Variants in NXPH2 observed in about 807,000 individuals in gnomAD.
The protein encoded by NXPH2 is neurexophilin 2.
NXPH2 carries 5 observed loss-of-function variants against 19.8 expected under a neutral mutation model. The observed-to-expected ratio is 0.25, with a 90% CI of 0.13 to 0.53. The LOEUF is 0.53. Ranked by LOEUF, NXPH2 falls within the 20% of genes least tolerant of loss-of-function variation. NXPH2 has a pLI of 0.96. For synonymous variants in NXPH2, 154 were observed against 127.4 expected, an observed-to-expected ratio of 1.21 and a Z score of -1.41; for missense variants, 289 against 322.8, an observed-to-expected ratio of 0.90 and a Z score of 0.80.
At chr2:138,778,870 T>A (rs1157145937) in intron 1 of NXPH2, among the ~76,000 whole-genome samples, 1 of 152,230 alleles carries the variant, frequency 6.6e-6, no homozygotes, top group Non-Finnish European at 1.5e-5. Context: ...TTTGGGCATA[T>A]CATTGCATTT....
At chr2:138,742,103 C>T (rs981745604) in intron 1 of NXPH2, among the ~76,000 whole-genome samples, 2 of 152,132 alleles carry the variant, frequency 1.3e-5, no homozygotes, top group East Asian at 3.9e-4. Context: ...GAATTCATTA[C>T]CAGGGTATTA....
chr2:138,675,955 ATGTGTGTG>A lies in NXPH2; in HGVS notation c.52-4298_52-4291del, dbSNP rs61124904. Among the ~76,000 whole-genome samples, 191 of 150,418 alleles carry A rather than the reference ATGTGTGTG, an allele frequency of 1.3e-3. 1 individual carries two copies. Among genetic ancestry groups the A allele is most frequent in the South Asian group, 4.9e-3 (23 of 4,724 alleles). The stretch of plus-strand genomic sequence containing the variant: ...AGGTAAAAAGTACATATATATACAT[ATGTGTGTG>A]TGTGTGTGTGTGTGTGTGTGTATAA... On this transcript the variant is annotated intron_variant, in intron 1 of 1. Transcript: ENST00000272641.
chr2:138,679,281 A>G (rs1680533595), intron 1 of NXPH2, among the ~76,000 whole-genome samples: 1 of 152,260 alleles, frequency 6.6e-6, no homozygotes, highest in African/African-American at 2.4e-5. Flanking sequence ...CACTAAGAGA[A>G]GAGATATTGC....
chr2:138,725,153 C>G (rs946566099), intron 1 of NXPH2, among the ~76,000 whole-genome samples: 11 of 152,182 alleles, frequency 7.2e-5, no homozygotes, highest in African/African-American at 2.7e-4. Context: ...GTTAGGAGGA[C>G]AGTTAGTTAT....
intron 1 of NXPH2, among the ~76,000 whole-genome samples, chr2:138,676,090 A>G (rs1453884990): frequency 1.3e-5 from 2 of 152,156 alleles, no homozygotes; most frequent in Non-Finnish European, 2.9e-5. Flanking sequence ...AAAACTGTGT[A>G]CAACCTCATC....
At chr2:138,733,425 C>T (rs1681482817) in intron 1 of NXPH2, among the ~76,000 whole-genome samples, 1 of 152,150 alleles carries the variant, frequency 6.6e-6, no homozygotes, top group Non-Finnish European at 1.5e-5. Flanking sequence ...AAGCCATTAA[C>T]CAAGTCTTCA....
At chr2:138,703,048 G>A (rs1367032038) in intron 1 of NXPH2, among the ~76,000 whole-genome samples, 1 of 152,182 alleles carries the variant, frequency 6.6e-6, no homozygotes, top group Non-Finnish European at 1.5e-5. Context: ...TGGAGTGAAT[G>A]GGCCATGTTC....
At chr2:138,681,454 A>G (rs933854709) in intron 1 of NXPH2, among the ~76,000 whole-genome samples, 1 of 152,244 alleles carries the variant, frequency 6.6e-6, no homozygotes, top group Non-Finnish European at 1.5e-5. Flanking sequence ...CTGGTTTAAT[A>G]TGAAGCACTT....
chr2:138,683,674 C>A (rs1680609651), intron 1 of NXPH2, among the ~76,000 whole-genome samples: 1 of 152,102 alleles, frequency 6.6e-6, no homozygotes, highest in African/African-American at 2.4e-5. Context: ...TCCAGTTAAC[C>A]AAACACTAAT....
Position 138,670,334 on chromosome 2 carries a change from G to C in NXPH2, c.*588C>G, listed in dbSNP as rs1239226972. Among the ~76,000 whole-genome samples the C allele has an allele frequency of 6.6e-6, 1 of 152,190 alleles. No individual in the cohort carries two copies. Among genetic ancestry groups the C allele is most frequent in the African/African-American group, 2.4e-5 (1 of 41,446 alleles). On this transcript the variant is annotated 3_prime_UTR_variant, in exon 2 of 2. Transcript: ENST00000272641. ...CATTCCACGCAACTGTAGCTCAGAT[G>C]ATAAGGAACTTGGTTCCACTGTGGC...
At chr2:138,689,793 C>T (rs962330899) in intron 1 of NXPH2, among the ~76,000 whole-genome samples, 3 of 152,068 alleles carry the variant, frequency 2.0e-5, no homozygotes, top group Non-Finnish European at 4.4e-5. Context: ...TCTTTATGTA[C>T]AGAGAAATAT....
chr2:138,760,415 C>G (rs941157658), intron 1 of NXPH2, among the ~76,000 whole-genome samples: 2 of 152,310 alleles, frequency 1.3e-5, no homozygotes, highest in South Asian at 4.1e-4. Flanking sequence ...TGCTTCCTAA[C>G]AGCAAAATTC....
intron 1 of NXPH2, among the ~76,000 whole-genome samples, chr2:138,726,519 AACACACAC>A (rs57428467): frequency 0.037 from 5,439 of 146,156 alleles, 258 homozygotes; most frequent in East Asian, 0.26. Context: ...TAAAAAAAGA[AACACACAC>A]ACACACACAC....
In NXPH2 at chr2:138,779,466, C is replaced by A. The variant is rs908942711; in HGVS notation, c.51+725G>T. Among the ~76,000 whole-genome samples, 9 of 152,240 alleles carry A rather than the reference C, an allele frequency of 5.9e-5. No individual in the cohort carries two copies. The East Asian group carries it at 9.7e-4, about 16-fold the overall frequency. On this transcript the variant is annotated intron_variant, in intron 1 of 1. Transcript: ENST00000272641. The stretch of plus-strand genomic sequence containing the variant: ...GCGAACCCCAAACCACATTTTAATA[C>A]GTTTCTTATTCCTCAGCGCCTCCGA...
At chr2:138,674,620 C>T (rs911325460) in intron 1 of NXPH2, among the ~76,000 whole-genome samples, 5 of 152,196 alleles carry the variant, frequency 3.3e-5, no homozygotes, top group African/African-American at 9.7e-5. Flanking sequence ...GTGCAAACTT[C>T]ATTCCAATCA....
Position 138,688,809 on chromosome 2 carries a change from T to A in NXPH2, c.52-17144A>T, listed in dbSNP as rs72986878. The stretch of plus-strand genomic sequence containing the variant: ...CATAAAGTGTCTCTTGACATCCTGA[T>A]AGACTTGGTCACCACCGCCCCCCCA... On this transcript the variant is annotated intron_variant, in intron 1 of 1. Coordinates refer to ENST00000272641, the MANE Select transcript of NXPH2 (RefSeq NM_007226.3). 5.2e-3 allele frequency among the ~76,000 whole-genome samples: 788 copies of A among 152,238 alleles called. 7 individuals carry two copies. The highest frequency in any genetic ancestry group is 0.015 in the African/African-American group (611 of 41,534).
At chr2:138,759,346 A>C (rs1370560092) in intron 1 of NXPH2, among the ~76,000 whole-genome samples, 1 of 150,960 alleles carries the variant, frequency 6.6e-6, no homozygotes, top group Non-Finnish European at 1.5e-5. Context: ...GAGGGTCCAC[A>C]ATGCCCTCTG....
intron 1 of NXPH2, among the ~76,000 whole-genome samples, chr2:138,703,475 T>C (rs551693592): frequency 6.6e-6 from 1 of 152,270 alleles, no homozygotes; most frequent in East Asian, 1.9e-4. Flanking sequence ...AGTAAACTAT[T>C]TCCAGCCACT....
intron 1 of NXPH2, among the ~76,000 whole-genome samples, chr2:138,742,885 T>C (rs897307944): frequency 5.9e-5 from 9 of 152,196 alleles, no homozygotes; most frequent in African/African-American, 1.9e-4. Flanking sequence ...AATAGAGATA[T>C]AGTCGTGATT....
Sources: gnomAD v4.1 joint callset for allele counts (sites outside exome capture counted in the v4.1 genomes callset) on GRCh38, gnomAD v4.1.1 for gene constraint, MANE v1.5 for transcripts, NCBI Gene and HGNC (gene_info 2026-07-23, HGNC 2026-07-21) for gene names.